Variants in CNBD1 observed in about 807,000 individuals in gnomAD.
CNBD1 encodes the protein cyclic nucleotide-binding domain-containing protein 1.
In CNBD1, 71 loss-of-function variants were observed where a neutral mutation model predicts 54.4. The observed-to-expected ratio is 1.30, with a 90% CI of 1.08 to 1.59. The LOEUF (loss-of-function observed/expected upper bound fraction) is 1.59. Among genes scored for constraint, CNBD1 ranks in the 40% most tolerant of loss-of-function variants. CNBD1 has a pLI of 0.00. For missense variants in CNBD1, 659 were observed against 518.0 expected (o/e 1.27, Z -2.64); for synonymous variants, 182 against 170.7 (o/e 1.07, Z -0.51).
chr8:86,934,203 G>T (rs1207268672), intron 3 of CNBD1, among the ~76,000 whole-genome samples: 2 of 151,802 alleles, frequency 1.3e-5, no homozygotes, highest in Non-Finnish European at 2.9e-5. Context: ...ATATTGTAAT[G>T]GTACCTATGA....
chr8:87,290,746 G>T (rs996619615), intron 8 of CNBD1, among the ~76,000 whole-genome samples: 6 of 152,118 alleles, frequency 3.9e-5, no homozygotes, highest in Non-Finnish European at 8.8e-5. Flanking sequence ...TGTAGGATTT[G>T]AAGCTGAAAT....
At position 87,331,332 on chromosome 8, in the gene CNBD1, G is replaced by T. The variant is rs141822462; in HGVS notation, c.1043-20353G>T. Among the ~76,000 whole-genome samples, 367 of 152,278 alleles carry T rather than the reference G, an allele frequency of 2.4e-3. 2 individuals carry two copies. Among genetic ancestry groups the T allele is most frequent in the South Asian group, 4.6e-3 (22 of 4,830 alleles). On this transcript the variant is annotated intron_variant, in intron 8 of 10. Coordinates refer to ENST00000518476, the MANE Select transcript of CNBD1 (RefSeq NM_173538.3). ...GCAGTGTTTGGTTTTCTGTACTTGT[G>T]TGAGTTTGTTGAGGTTGATGGCTTC...
At chr8:87,214,114 C>G (rs1814157849) in intron 5 of CNBD1, among the ~76,000 whole-genome samples, 1 of 152,120 alleles carries the variant, frequency 6.6e-6, no homozygotes, top group Admixed American at 6.5e-5. Context: ...TTTGCAGGAT[C>G]CCAGCTACTT....
rs757688776 is a variant in CNBD1, at chr8:87,236,946, T to C, written c.605T>C (p.Ile202Thr). The change falls in exon 6 of 11, where the codon ATA (isoleucine) becomes ACA (threonine). Residue 202 changes from isoleucine (I) to threonine (T), a missense_variant. Transcript: ENST00000518476. ...GTTGCAAATGATGGATTTTATGTAA[T>C]ACTGAAAGGCCTAGCTCGACCTCAA... ...TVVANDGFYV[I>T]LKGLARPQTN... is the part of the protein sequence containing the mutation. The C allele has an allele frequency of 3.7e-6, 6 of 1,605,478 alleles. No individual in the cohort carries two copies. The South Asian group carries it at 6.7e-5, about 18-fold the overall frequency.
chr8:87,380,657 G>A (rs1811055217), intron 10 of CNBD1, among the ~76,000 whole-genome samples: 1 of 151,862 alleles, frequency 6.6e-6, no homozygotes, highest in African/African-American at 2.4e-5. Flanking sequence ...AACGTGAGAT[G>A]TCTTTTCATT....
chr8:87,360,793 G>C (rs1053650912), intron 10 of CNBD1, among the ~76,000 whole-genome samples: 1 of 151,782 alleles, frequency 6.6e-6, no homozygotes, highest in Non-Finnish European at 1.5e-5. Context: ...CAATTCCAAG[G>C]TGTTATTGGT....
At chr8:87,401,039 G>T (rs546983932) in intron 2 of CNBD1, among the ~76,000 whole-genome samples, 82 of 151,978 alleles carry the variant, frequency 5.4e-4, no homozygotes, top group Non-Finnish European at 1.0e-3. Flanking sequence ...ATTTATCTCA[G>T]TTTAAAGCCA....
chr8:87,298,850 A>G (rs1378727059), intron 8 of CNBD1, among the ~76,000 whole-genome samples: 1 of 152,102 alleles, frequency 6.6e-6, no homozygotes. Context: ...CATTTATTGA[A>G]CATCTGCTCT....
At chr8:86,969,946 T>G (rs967651025) in intron 4 of CNBD1, among the ~76,000 whole-genome samples, 3 of 151,996 alleles carry the variant, frequency 2.0e-5, no homozygotes, top group African/African-American at 7.2e-5. Flanking sequence ...TCATTTTTTT[T>G]CTGCCTGAAA....
intron 6 of CNBD1, among the ~76,000 whole-genome samples, chr8:87,262,188 A>G (rs1398203035): frequency 6.6e-6 from 1 of 152,090 alleles, no homozygotes; most frequent in Non-Finnish European, 1.5e-5. Flanking sequence ...AAAACACAAT[A>G]TAAATAATTG....
chr8:86,905,643 G>C (rs1311195944), intron 3 of CNBD1, among the ~76,000 whole-genome samples: 1 of 152,116 alleles, frequency 6.6e-6, no homozygotes, highest in Non-Finnish European at 1.5e-5. Flanking sequence ...CTGCTTCTAG[G>C]TGGACCTACA....
chr8:87,186,493 C>A (rs1467886277), intron 4 of CNBD1, among the ~76,000 whole-genome samples: 1 of 152,054 alleles, frequency 6.6e-6, no homozygotes, highest in Non-Finnish European at 1.5e-5. Flanking sequence ...CTACTTCAAA[C>A]TTCTCCAAAG....
chr8:87,078,210 G>A lies in CNBD1; in HGVS notation c.432-127783G>A, dbSNP rs908338384. Reference sequence around the variant, plus strand: ...GGCAAGAGTTCCTAAATGAGCCTTGGCCAGTCAATAAGACTAGGTGGGCTG... The same window carrying A: ...GGCAAGAGTTCCTAAATGAGCCTTGACCAGTCAATAAGACTAGGTGGGCTG... On this transcript the variant is annotated intron_variant, in intron 4 of 10. Transcript: ENST00000518476. 5.9e-5 allele frequency among the ~76,000 whole-genome samples: 9 copies of A among 152,290 alleles called. No homozygotes were observed. In the East Asian group the frequency reaches 1.5e-3, roughly 26 times the overall value.
intron 2 of CNBD1, among the ~76,000 whole-genome samples, chr8:87,425,322 G>A (rs540373528): frequency 5.5e-4 from 84 of 152,214 alleles, no homozygotes; most frequent in African/African-American, 1.9e-3. Flanking sequence ...CTGTCAGCTC[G>A]TCAGTCATTC....
chr8:86,998,504 T>C (rs895248525), intron 4 of CNBD1, among the ~76,000 whole-genome samples: 1 of 152,170 alleles, frequency 6.6e-6, no homozygotes, highest in African/African-American at 2.4e-5. Context: ...TGTTGTTTTT[T>C]TCAGCTTCAG....
At chr8:87,181,503 AGTT>A (rs1813311013) in intron 4 of CNBD1, among the ~76,000 whole-genome samples, 1 of 152,200 alleles carries the variant, frequency 6.6e-6, no homozygotes, top group Admixed American at 6.5e-5. Flanking sequence ...ATTGGCATAA[AGTT>A]GTTCAAAATA....
At chr8:87,401,686 T>G (rs112477667) in intron 2 of CNBD1, among the ~76,000 whole-genome samples, 2,764 of 152,156 alleles carry the variant, frequency 0.018, 84 homozygotes, top group African/African-American at 0.06. Flanking sequence ...TTTAAGCTAC[T>G]TGCAAATCTC....
chr8:87,308,792 C>G (rs1191935534), intron 8 of CNBD1, among the ~76,000 whole-genome samples: 2 of 152,126 alleles, frequency 1.3e-5, no homozygotes, highest in African/African-American at 4.8e-5. Flanking sequence ...CTCTGTACCT[C>G]CATGAGATCC....
chr8:86,899,075 A>G (rs769258858), intron 2 of CNBD1, among the ~76,000 whole-genome samples: 13 of 152,128 alleles, frequency 8.5e-5, no homozygotes, highest in Non-Finnish European at 1.6e-4. Context: ...TAAGCCAGAC[A>G]CAGAAAGTAA....
Sources: gnomAD v4.1 joint callset for allele counts (sites outside exome capture counted in the v4.1 genomes callset) on GRCh38, gnomAD v4.1.1 for gene constraint, MANE v1.5 for transcripts, NCBI Gene and HGNC (gene_info 2026-07-23, HGNC 2026-07-21) for gene names.